The following RNF19A variants were observed in gnomAD, a reference collection of about 807,000 sequenced individuals.
The protein encoded by RNF19A is E3 ubiquitin-protein ligase RNF19A.
A neutral mutation model predicts 75.7 loss-of-function variants in RNF19A; 32 were observed. The observed-to-expected ratio is 0.42, with a 90% CI of 0.32 to 0.57. RNF19A has a LOEUF of 0.57. Among genes scored for constraint, RNF19A ranks in the 20% least tolerant of loss-of-function variants. RNF19A has a pLI of 0.10. For synonymous variants in RNF19A, 335 were observed against 345.2 expected (o/e 0.97, Z 0.33); for missense variants, 782 against 1,036.3 (o/e 0.75, Z 3.37).
intron 1 of RNF19A, among the ~76,000 whole-genome samples, chr8:100,320,347 ATTTAG>A (rs1353725891): frequency 6.6e-6 from 1 of 152,234 alleles, no homozygotes; most frequent in Non-Finnish European, 1.5e-5. Flanking sequence ...ATACATGGAA[ATTTAG>A]TTTATTCATT....
Position 100,261,762 on chromosome 8 carries a change from G to A in RNF19A, c.1469-7C>T, listed in dbSNP as rs1368456569. ...TCTGCTACTGATGTTGTGTCTAAAT[G>A]CAAATATTCCAAAGAAACTAAGTAA... On this transcript the variant is annotated splice_region_variant and splice_polypyrimidine_tract_variant and intron_variant, in intron 7 of 9. Coordinates refer to ENST00000341084, the MANE Select transcript of RNF19A (RefSeq NM_183419.4). This position sits in a 1 kb window ranked among gnomAD's most constrained non-coding sequence, Gnocchi z 4.4. 3 of 1,613,060 alleles carry A rather than the reference G, an allele frequency of 1.9e-6. No homozygotes were observed. The highest frequency in any genetic ancestry group is 2.5e-6 in the Non-Finnish European group (3 of 1,179,206).
Position 100,264,131 on chromosome 8 carries a change from G to A in RNF19A, c.1371C>T (p.Ser457=), listed in dbSNP as rs201249163. ...TGCCTGCTGAGACTCCACAACCTCC[G>A]CTTCGACAAAGAGAAATTGGAACTA... ...YGVVPISLCR[S]GGCGVSAGNG... Residue 457 remains serine (S), a synonymous_variant, in exon 7 of 10, where the codon AGC becomes AGT. Transcript: ENST00000341084. This position sits in a 1 kb window ranked among gnomAD's most constrained non-coding sequence, Gnocchi z 4.7. 3.2e-4 allele frequency: 513 copies of A among 1,613,268 alleles called. No homozygotes were observed. The highest frequency in any genetic ancestry group is 4.1e-4 in the Non-Finnish European group (480 of 1,179,532).
In RNF19A at chr8:100,333,022, T is replaced by TC. The variant is rs905471900; in HGVS notation, c.-243+3085dup. Among the ~76,000 whole-genome samples the TC allele has an allele frequency of 6.6e-6, 1 of 152,246 alleles. No homozygotes were observed. The highest frequency in any genetic ancestry group is 1.5e-5 in the Non-Finnish European group (1 of 68,050). On this transcript the variant is annotated intron_variant, in intron 1 of 3. Transcript: ENST00000519527. The surrounding 1 kb of genome is among the most constrained non-coding windows in gnomAD (Gnocchi z 4.7). ...GACAACTTTGACTCTTTTCTCTTTTTCACCCTCAGTATATTGCTAACTCTT... is the reference window on the plus strand; with the variant it reads ...GACAACTTTGACTCTTTTCTCTTTTTCCACCCTCAGTATATTGCTAACTCTT...
chr8:100,258,990 C>T lies in RNF19A; in HGVS notation c.2083G>A (p.Ala695Thr). 6.2e-7 allele frequency: 1 copy of T among 1,614,198 alleles called. No homozygotes were observed. Among genetic ancestry groups the T allele is most frequent in the Non-Finnish European group, 8.5e-7 (1 of 1,180,034 alleles). Residue 695 changes from alanine to threonine, a missense_variant, in exon 10 of 10, where the codon GCA becomes ACA. Coordinates refer to ENST00000341084, the MANE Select transcript of RNF19A (RefSeq NM_183419.4). This position sits in a 1 kb window ranked among gnomAD's most constrained non-coding sequence, Gnocchi z 4.3. ...KINETREDMDAQLLEQQSTNS... is the reference protein window; with the variant it reads ...KINETREDMDTQLLEQQSTNS... ...GTGCTTTGTTGTTCTAACAACTGTG[C>T]ATCCATGTCCTCTCTCGTCTCATTT...
chr8:100,320,209 T>G (rs1255458361), intron 1 of RNF19A, among the ~76,000 whole-genome samples: 1 of 152,236 alleles, frequency 6.6e-6, no homozygotes, highest in African/African-American at 2.4e-5. Flanking sequence ...TGTTTTATAT[T>G]TTAAATAGTT....
intron 2 of RNF19A, among the ~76,000 whole-genome samples, chr8:100,286,321 T>C (rs1317487875): frequency 6.6e-6 from 1 of 152,196 alleles, no homozygotes; most frequent in Non-Finnish European, 1.5e-5. Context: ...CCATAACGTA[T>C]TTTGTTGTTA....
intron 1 of RNF19A, among the ~76,000 whole-genome samples, chr8:100,294,510 C>T (rs1821457020): frequency 6.6e-6 from 1 of 152,150 alleles, no homozygotes; most frequent in Admixed American, 6.5e-5. Context: ...AGTTTACCCA[C>T]AGATTTTTGG....
rs1264460922 is a variant in RNF19A at position 100,275,038 on chromosome 8, A to G, written c.798T>C (p.Ala266=). 1 of 1,614,194 alleles carries G rather than the reference A, an allele frequency of 6.2e-7. No homozygotes were observed. Among genetic ancestry groups the G allele is most frequent in the African/African-American group, 1.3e-5 (1 of 75,058 alleles). Residue 266 remains alanine (A), a synonymous_variant, in exon 3 of 10, where the codon GCT becomes GCC. Coordinates refer to ENST00000341084, the MANE Select transcript of RNF19A (RefSeq NM_183419.4). The surrounding 1 kb of genome is among the most constrained non-coding windows in gnomAD (Gnocchi z 4.3). The part of the protein sequence containing the change: ...QIWHPNQTCD[A]ARQERAQSLR... ...AGCTCTGGGCTCTCTCTTGTCGAGC[A>G]GCATCACAGGTCTGGTTGGGGTGCC...
upstream of RNF19A, among the ~76,000 whole-genome samples, chr8:100,311,049 T>C (rs1237639565): frequency 6.6e-6 from 1 of 152,236 alleles, no homozygotes; most frequent in African/African-American, 2.4e-5. Flanking sequence ...AGAATGTCCA[T>C]TTGCCATCTG....
intron 7 of RNF19A, among the ~76,000 whole-genome samples, chr8:100,263,244 G>A (rs1819809846): frequency 6.6e-6 from 1 of 152,132 alleles, no homozygotes; most frequent in Non-Finnish European, 1.5e-5. Context: ...TAATGAGACG[G>A]ACTGGCCAGG....
intron 2 of RNF19A, among the ~76,000 whole-genome samples, chr8:100,283,374 TC>T (rs1820872183): frequency 6.6e-6 from 1 of 152,116 alleles, no homozygotes; most frequent in African/African-American, 2.4e-5. Context: ...CTGGGATCCC[TC>T]CCCCAATTTT....
Position 100,329,738 on chromosome 8 carries a change from C to T in RNF19A, c.-243+6370G>A, listed in dbSNP as rs139910707. On this transcript the variant is annotated intron_variant, in intron 1 of 3. Transcript: ENST00000519527. The surrounding 1 kb of genome is among the most constrained non-coding windows in gnomAD (Gnocchi z 4.3). ...GACTAGAGCAGAAATGAAGTGTCTT[C>T]CAACACTTAAAGGATCGTCTGATGA... Among the ~76,000 whole-genome samples, 1,171 of 152,250 alleles carry T rather than the reference C, an allele frequency of 7.7e-3. 12 individuals are homozygous for T. The highest frequency in any genetic ancestry group is 0.027 in the Middle Eastern group (8 of 294).
chr8:100,298,838 T>C (rs1821691971), intron 1 of RNF19A, among the ~76,000 whole-genome samples: 1 of 152,216 alleles, frequency 6.6e-6, no homozygotes, highest in African/African-American at 2.4e-5. Flanking sequence ...AAAAACATTT[T>C]GGTTAGCTTA....
chr8:100,321,386 C>T (rs1363126978), intron 1 of RNF19A, among the ~76,000 whole-genome samples: 3 of 152,230 alleles, frequency 2.0e-5, no homozygotes, highest in Non-Finnish European at 4.4e-5. Context: ...AAGGGATCAA[C>T]TACTCACCTG....
chr8:100,310,070 C>G, upstream of RNF19A: 1 of 985,560 alleles, frequency 1.0e-6, no homozygotes, highest in Non-Finnish European at 1.2e-6. Flanking sequence ...GGCTCGACGG[C>G]TGCTCCCGGG....
chr8:100,336,154 C>G (rs545756094), exon 1 of RNF19A: 2 of 152,226 alleles, frequency 1.3e-5, no homozygotes, highest in Non-Finnish European at 2.9e-5. Flanking sequence ...GGCATGGGTC[C>G]CACACTCAAA....
chr8:100,261,631 G>A lies in RNF19A; in HGVS notation c.1593C>T (p.Asn531=). 6.2e-7 allele frequency: 1 copy of A among 1,614,070 alleles called. No homozygotes were observed. The highest frequency in any genetic ancestry group is 8.5e-7 in the Non-Finnish European group (1 of 1,180,028). ...HMDRIGAIRD[N]LSETASTMAL... ...CCATGGTGCTGGCCGTTTCACTCAG[G>A]TTGTCTCGGATGGCTCCTATTCGAT... is the stretch of plus-strand genomic sequence containing the variant. The change falls in exon 8 of 10, where the codon AAC becomes AAT. Residue 531 remains asparagine, a synonymous_variant. Transcript: ENST00000341084. The surrounding 1 kb of genome is among the most constrained non-coding windows in gnomAD (Gnocchi z 4.4).
At chr8:100,288,380 GTTTTT>G in intron 1 of RNF19A, 113 bp from the exon 2 acceptor site, 2 of 647,420 alleles carry the variant, frequency 3.1e-6, no homozygotes, top group Non-Finnish European at 4.3e-6. Flanking sequence ...AGTAGTAGTT[GTTTTT>G]TTTAACAAGG....
chr8:100,335,694 A>AT (rs1464566596), intron 1 of RNF19A, among the ~76,000 whole-genome samples: 1 of 152,162 alleles, frequency 6.6e-6, no homozygotes, highest in Non-Finnish European at 1.5e-5. Context: ...ATGGAGCCTG[A>AT]TTCTCTGGGG....
Sources: allele counts gnomAD v4.1 joint callset (sites outside exome capture counted in the v4.1 genomes callset), GRCh38; gene constraint gnomAD v4.1.1; non-coding constraint Gnocchi (gnomAD v3.1); transcripts MANE v1.5; gene names NCBI Gene and HGNC (gene_info 2026-07-23, HGNC 2026-07-21).